FA2H: variants seen among roughly 807,000 people sequenced by gnomAD.
The protein encoded by FA2H is fatty acid 2-hydroxylase, also known as fatty acid alpha-hydroxylase.
A neutral mutation model predicts 44.9 loss-of-function variants in FA2H; 22 were observed. The ratio of observed to expected loss-of-function variants is 0.49; its 90% CI spans 0.35 to 0.70. The LOEUF (loss-of-function observed/expected upper bound fraction) is 0.70. Among genes scored for constraint, FA2H ranks in the 30% least tolerant of loss-of-function variants. The pLI, the probability that FA2H is intolerant of heterozygous loss-of-function variation, is 0.01. For synonymous variants in FA2H, 243 were observed against 213.2 expected (o/e 1.14, Z -1.22); for missense variants, 501 against 504.9 (o/e 0.99, Z 0.07).
In FA2H at chr16:74,714,114, T is replaced by C. The variant is rs1961634889; in HGVS notation, c.*76A>G. 4 of 865,172 alleles carry C rather than the reference T, an allele frequency of 4.6e-6. No homozygotes were observed. Among genetic ancestry groups the C allele is most frequent in the Admixed American group, 4.1e-5 (2 of 48,666 alleles). The allele number at this position is 865,172 out of a possible 1,614,324, so 53.6% of individuals were successfully genotyped here. A position where few individuals can be genotyped will look rare whatever the true frequency, so the allele number is the denominator to read the frequency against. ...TGCCTGGCCAAGCCAACCTTCTTAA[T>C]GGGGTCTGAATGGCGGGTGGGGGTC... On this transcript the variant is annotated 3_prime_UTR_variant, in exon 7 of 7. Transcript: ENST00000219368.
chr16:74,721,921 G>T (rs1423067895), intron 4 of FA2H, among the ~76,000 whole-genome samples: 1 of 152,216 alleles, frequency 6.6e-6, no homozygotes, highest in Non-Finnish European at 1.5e-5. Context: ...CGGCAGATGT[G>T]TCCTGACTGA....
chr16:74,730,115 C>T (rs1250719051), intron 2 of FA2H, among the ~76,000 whole-genome samples: 2 of 152,202 alleles, frequency 1.3e-5, no homozygotes, highest in African/African-American at 4.8e-5. Context: ...ACATGCCCCC[C>T]AGCTGCTCTG....
In FA2H at chr16:74,714,176, G is replaced by A. The variant is rs769068248; in HGVS notation, c.*14C>T. The stretch of plus-strand genomic sequence containing the variant: ...AGGGCCGGGCTGAGGGCAGGACGGA[G>A]GGGGTGGGAGTTGTCACTGCGTCTT... On this transcript the variant is annotated 3_prime_UTR_variant, in exon 7 of 7. Transcript: ENST00000219368. The A allele has an allele frequency of 4.6e-5, 71 of 1,534,596 alleles. 1 individual carries two copies. The Admixed American group carries it at 1.4e-3, about 30-fold the overall frequency.
chr16:74,744,477 G>T, intron 1 of FA2H, among the ~76,000 whole-genome samples: 1 of 140,346 alleles, frequency 7.1e-6, no homozygotes. Context: ...TTTGAAACAA[G>T]GTCTCAGTCT....
intron 4 of FA2H, among the ~76,000 whole-genome samples, chr16:74,721,609 C>A (rs1961841621): frequency 1.3e-5 from 2 of 152,176 alleles, no homozygotes; most frequent in African/African-American, 4.8e-5. Context: ...GGGTCTGGCA[C>A]CTTTAACCTC....
chr16:74,764,610 A>C (rs183412972), intron 1 of FA2H, among the ~76,000 whole-genome samples: 2 of 152,310 alleles, frequency 1.3e-5, no homozygotes, highest in African/African-American at 4.8e-5. Context: ...CAGGAAACAT[A>C]ACTAATGGGT....
rs554074212 is a variant in FA2H, at chr16:74,722,911, C to CAAAA, written c.613+3310_613+3313dup. On this transcript the variant is annotated intron_variant, in intron 4 of 6. Transcript: ENST00000219368. ...GGGCAATAAGAGTGAAACTCCATCT[C>CAAAA]AAAAAAAAAAAAAAAAAAAAAAATC... Among the ~76,000 whole-genome samples, 3 of 112,218 alleles carry CAAAA rather than the reference C, an allele frequency of 2.7e-5. 1 individual carries two copies. The highest frequency in any genetic ancestry group is 1.0e-4 in the African/African-American group (3 of 29,476). The allele number at this position is 112,218 out of a possible 152,430, so 73.6% of individuals were successfully genotyped here. A position where few individuals can be genotyped will look rare whatever the true frequency, so the allele number is the denominator to read the frequency against.
At chr16:74,720,802 A>G (rs1961818935) in intron 4 of FA2H, among the ~76,000 whole-genome samples, 1 of 152,144 alleles carries the variant, frequency 6.6e-6, no homozygotes, top group Non-Finnish European at 1.5e-5. Flanking sequence ...GGATTTGCCT[A>G]TTCTGGACAT....
At chr16:74,726,118 G>A (rs774566531) in intron 4 of FA2H, 107 bp downstream of exon 4, 128 of 768,872 alleles carry the variant, frequency 1.7e-4, no homozygotes, top group Non-Finnish European at 2.4e-4. Context: ...AAATGTCTGT[G>A]ATGTAGTTTG....
intron 1 of FA2H, among the ~76,000 whole-genome samples, chr16:74,749,824 AG>A (rs1190637214): frequency 6.6e-6 from 1 of 152,088 alleles, no homozygotes; most frequent in Non-Finnish European, 1.5e-5. Flanking sequence ...ACCTCGGATT[AG>A]GGCAAAGTTT....
At chr16:74,726,862 T>C (rs1204752964) in intron 3 of FA2H, among the ~76,000 whole-genome samples, 1 of 152,170 alleles carries the variant, frequency 6.6e-6, no homozygotes, top group Non-Finnish European at 1.5e-5. Context: ...TGAGATGAGT[T>C]ACTGGCAGAA....
At chr16:74,736,004 G>C (rs1340306134) in intron 2 of FA2H, among the ~76,000 whole-genome samples, 1 of 152,140 alleles carries the variant, frequency 6.6e-6, no homozygotes, top group African/African-American at 2.4e-5. Flanking sequence ...AAAAGATAGA[G>C]GGAATAGCTT....
At chr16:74,767,837 G>A (rs1260112099) in intron 1 of FA2H, among the ~76,000 whole-genome samples, 1 of 152,228 alleles carries the variant, frequency 6.6e-6, no homozygotes, top group African/African-American at 2.4e-5. Flanking sequence ...GAATTCAGGT[G>A]GAAAACTAAA....
intron 5 of FA2H, among the ~76,000 whole-genome samples, chr16:74,718,735 G>A (rs1235864642): frequency 1.3e-5 from 2 of 152,218 alleles, no homozygotes; most frequent in Admixed American, 1.3e-4. Context: ...GTTGTTTTGA[G>A]GATTAAAGGT....
intron 4 of FA2H, among the ~76,000 whole-genome samples, chr16:74,725,722 G>A (rs1165633364): frequency 1.3e-5 from 2 of 152,182 alleles, no homozygotes; most frequent in Admixed American, 6.5e-5. Context: ...GAGGTTAGTG[G>A]GCCATTACTC....
At chr16:74,726,040 T>G in intron 4 of FA2H, 185 bp downstream of exon 4, 1 of 598,016 alleles carries the variant, frequency 1.7e-6, no homozygotes, top group Non-Finnish European at 3.1e-6. Context: ...TGTATCCATT[T>G]GGGGGGTAGA....
chr16:74,733,445 C>G (rs777694445), intron 2 of FA2H, among the ~76,000 whole-genome samples: 14 of 152,192 alleles, frequency 9.2e-5, no homozygotes, highest in Admixed American at 2.0e-4. Context: ...CCTCCCTCCC[C>G]CTTCCCCCAG....
intron 4 of FA2H, among the ~76,000 whole-genome samples, chr16:74,721,959 G>C (rs1264246087): frequency 6.6e-6 from 1 of 152,200 alleles, no homozygotes; most frequent in Non-Finnish European, 1.5e-5. Context: ...CCGCCCAAGG[G>C]CCTTCCATGG....
chr16:74,735,986 A>C (rs1207690637), intron 2 of FA2H, among the ~76,000 whole-genome samples: 2 of 152,174 alleles, frequency 1.3e-5, no homozygotes, highest in African/African-American at 2.4e-5. Context: ...CTGTCTCTAA[A>C]AAAATAAAAA....
Sources: gnomAD v4.1 joint callset for allele counts (sites outside exome capture counted in the v4.1 genomes callset) on GRCh38, gnomAD v4.1.1 for gene constraint, MANE v1.5 for transcripts, NCBI Gene and HGNC (gene_info 2026-07-23, HGNC 2026-07-21) for gene names.